The following HDAC4 variants were observed in gnomAD, a reference collection of about 807,000 sequenced individuals.
The protein encoded by HDAC4 is histone deacetylase A.
In HDAC4, 16 loss-of-function variants were observed where a neutral mutation model predicts 135.1. The ratio of observed to expected loss-of-function variants is 0.12; its 90% CI spans 0.08 to 0.18. The LOEUF is 0.18. Ranked by LOEUF, HDAC4 falls within the 10% of genes least tolerant of loss-of-function variation. HDAC4 has a pLI of 1.00. For synonymous variants in HDAC4, 685 were observed against 653.4 expected, an observed-to-expected ratio of 1.05 and a Z score of -0.74; for missense variants, 1,143 against 1,511.8, an observed-to-expected ratio of 0.76 and a Z score of 4.05.
intron 22 of HDAC4, among the ~76,000 whole-genome samples, chr2:239,072,748 G>C (rs934095600): frequency 5.3e-5 from 8 of 152,226 alleles, no homozygotes; most frequent in Non-Finnish European, 1.2e-4. Flanking sequence ...GTCACTGAAA[G>C]TATCAACTTT....
chr2:239,393,686 A>G (rs1696379309), intron 1 of HDAC4, among the ~76,000 whole-genome samples: 2 of 125,062 alleles, frequency 1.6e-5, no homozygotes, highest in Non-Finnish European at 3.2e-5. Flanking sequence ...CCCTCCAGCC[A>G]CAGCCCTGGT....
chr2:239,399,135 A>G (rs1388522059), intron 1 of HDAC4, among the ~76,000 whole-genome samples: 3 of 152,256 alleles, frequency 2.0e-5, no homozygotes, highest in Non-Finnish European at 4.4e-5. Flanking sequence ...AAGCCCGATC[A>G]GTCTTAAAAA....
intron 1 of HDAC4, among the ~76,000 whole-genome samples, chr2:239,377,523 T>G (rs575697946): frequency 3.9e-5 from 6 of 152,334 alleles, no homozygotes; most frequent in Admixed American, 3.3e-4. Context: ...CACCTCTCAG[T>G]GCATCACCAC....
chr2:239,114,855 C>T (rs575635805), intron 13 of HDAC4, among the ~76,000 whole-genome samples, 198 bp downstream of exon 13: 2 of 152,304 alleles, frequency 1.3e-5, no homozygotes, highest in East Asian at 1.9e-4. Flanking sequence ...GCAAACATCT[C>T]GTATCCCTAG....
chr2:239,230,446 C>T (rs172365), intron 3 of HDAC4, among the ~76,000 whole-genome samples: 100,350 of 149,428 alleles, frequency 0.67, 35,761 homozygotes, highest in South Asian at 0.81. Context: ...AATCCTTGCC[C>T]GTGGCTGGCA....
At chr2:239,257,941 G>A (rs1401393438) in intron 2 of HDAC4, among the ~76,000 whole-genome samples, 1 of 152,172 alleles carries the variant, frequency 6.6e-6, no homozygotes, top group African/African-American at 2.4e-5. Flanking sequence ...CTTATTTGCT[G>A]CAATACCAGG....
intron 1 of HDAC4, among the ~76,000 whole-genome samples, chr2:239,378,061 C>T (rs968818091): frequency 2.0e-5 from 3 of 152,196 alleles, no homozygotes; most frequent in Admixed American, 6.5e-5. Context: ...GTCCAGCAAA[C>T]GCGGTGCCCC....
intron 2 of HDAC4, among the ~76,000 whole-genome samples, chr2:239,273,509 G>T (rs1185352429): frequency 6.6e-6 from 1 of 152,182 alleles, no homozygotes; most frequent in Non-Finnish European, 1.5e-5. Context: ...AGGAGTGAGT[G>T]TCTTGGATTA....
At chr2:239,248,518 A>ACT (rs1380206486) in intron 2 of HDAC4, among the ~76,000 whole-genome samples, 4 of 152,160 alleles carry the variant, frequency 2.6e-5, no homozygotes, top group Non-Finnish European at 5.9e-5. Context: ...GCCTCAATTC[A>ACT]CTGAAAATGT....
At chr2:239,080,077 C>T (rs914503627) in intron 22 of HDAC4, among the ~76,000 whole-genome samples, 2 of 123,590 alleles carry the variant, frequency 1.6e-5, no homozygotes, top group African/African-American at 5.2e-5. Flanking sequence ...CACAGATGAA[C>T]GAACACCCAC....
chr2:239,219,348 T>C (rs1194317423), intron 3 of HDAC4, among the ~76,000 whole-genome samples: 1 of 152,054 alleles, frequency 6.6e-6, no homozygotes, highest in African/African-American at 2.4e-5. Flanking sequence ...AAATCATCAT[T>C]CTCAGTAAAC....
intron 2 of HDAC4, among the ~76,000 whole-genome samples, chr2:239,260,462 T>C (rs547246744): frequency 7.2e-5 from 11 of 152,170 alleles, no homozygotes; most frequent in Non-Finnish European, 1.0e-4. Flanking sequence ...CTGTTTATTG[T>C]CCAATAAACA....
intron 2 of HDAC4, among the ~76,000 whole-genome samples, chr2:239,316,924 A>G (rs1302907893): frequency 6.6e-6 from 1 of 152,170 alleles, no homozygotes; most frequent in Admixed American, 6.5e-5. Flanking sequence ...AATTAATACA[A>G]TCAAAAAGTA....
chr2:239,210,663 C>T (rs1236717498), intron 3 of HDAC4, among the ~76,000 whole-genome samples: 1 of 152,160 alleles, frequency 6.6e-6, no homozygotes, highest in African/African-American at 2.4e-5. Flanking sequence ...GACACAAGGT[C>T]CCCTTTATAT....
chr2:239,217,397 G>A (rs897034389), intron 3 of HDAC4, among the ~76,000 whole-genome samples: 1 of 152,114 alleles, frequency 6.6e-6, no homozygotes, highest in Non-Finnish European at 1.5e-5. Flanking sequence ...TAATGTATCT[G>A]TTTTCTCATT....
At chr2:239,067,824 G>C (rs907314688) in intron 23 of HDAC4, among the ~76,000 whole-genome samples, 1 of 152,218 alleles carries the variant, frequency 6.6e-6, no homozygotes, top group Non-Finnish European at 1.5e-5. Flanking sequence ...CACTGTGGAC[G>C]CTGGGGCCTT....
chr2:239,277,667 G>T (rs903495075), intron 2 of HDAC4, among the ~76,000 whole-genome samples: 1 of 152,148 alleles, frequency 6.6e-6, no homozygotes, highest in Non-Finnish European at 1.5e-5. Flanking sequence ...CCACACAGCC[G>T]CCCAGCCTGG....
rs1469367445 is a variant in HDAC4 at position 239,081,302 on chromosome 2, G to A, written c.2653-110C>T. On this transcript the variant is annotated intron_variant, in intron 21 of 26. Transcript: ENST00000543185. ...ATGGGCTCGGCCTTGGTGGGCCCCT[G>A]GGGAGAGCCCACGTGTCCTGATCTC... 4.6e-6 allele frequency: 4 copies of A among 877,222 alleles called. No homozygotes were observed. The East Asian group carries it at 1.0e-4, about 23-fold the overall frequency. 54.3% of individuals were successfully genotyped at this position (877,222 alleles called of 1,614,324 possible). A position where few individuals can be genotyped will look rare whatever the true frequency, so the allele number is the denominator to read the frequency against.
Position 239,144,585 on chromosome 2 carries a change from G to C in HDAC4, c.863C>G (p.Thr288Arg). The C allele has an allele frequency of 6.2e-7, 1 of 1,613,844 alleles. No homozygotes were observed. The highest frequency in any genetic ancestry group is 8.5e-7 in the Non-Finnish European group (1 of 1,180,036). The change falls in exon 8 of 27, where the codon ACA becomes AGA. Residue 288 changes from threonine (T) to arginine (R), a missense_variant and splice_region_variant. Physicochemically the swap from Thr to Arg is moderately conservative, Grantham distance 71. Transcript: ENST00000543185. ...TALKKRPLDV[T>R]DSACSSAPGS... ...GTGTACCTGCTCAGCCGACATACCT[G>C]TGACATCCAACGGACGCTTTTTTAG... is the stretch of plus-strand genomic sequence containing the variant.
Sources: allele counts gnomAD v4.1 joint callset (sites outside exome capture counted in the v4.1 genomes callset), GRCh38; gene constraint gnomAD v4.1.1; transcripts MANE v1.5; gene names NCBI Gene and HGNC (gene_info 2026-07-23, HGNC 2026-07-21).